The following HIPK4 variants were observed in gnomAD, a reference collection of about 807,000 sequenced individuals.
HIPK4 encodes homeodomain-interacting protein kinase 4.
A neutral mutation model predicts 44.8 loss-of-function variants in HIPK4; 26 were observed. The observed-to-expected ratio is 0.58, with a 90% CI of 0.43 to 0.80. HIPK4 has a LOEUF of 0.80. Ranked by LOEUF, HIPK4 falls within the 30% of genes least tolerant of loss-of-function variation. HIPK4 has a pLI of 0.00. For synonymous variants in HIPK4, 340 were observed against 355.5 expected, an observed-to-expected ratio of 0.96 and a Z score of 0.49; for missense variants, 729 against 862.6, an observed-to-expected ratio of 0.85 and a Z score of 1.94.
chr19:40,385,053 C>T (rs547325619), intron 1 of HIPK4, among the ~76,000 whole-genome samples: 25 of 152,318 alleles, frequency 1.6e-4, no homozygotes, highest in South Asian at 1.2e-3. Flanking sequence ...CACCCCACAC[C>T]TTGTCCATCA....
At position 40,383,902 on chromosome 19, in the gene HIPK4, T is replaced by A. The variant is rs770659093; in HGVS notation, c.703A>T (p.Lys235Ter). 1 of 1,614,134 alleles carries A rather than the reference T, an allele frequency of 6.2e-7. No homozygotes were observed. The highest frequency in any genetic ancestry group is 8.5e-7 in the Non-Finnish European group (1 of 1,180,012). ...RYICETQGLP[K>*]PHLLHAACKA... ...CAGGCGGCGTGCAACAGGTGTGGCTTGGGCAGGCCCTGGGTTTCGCAGATG... is the reference window on the plus strand; with the variant it reads ...CAGGCGGCGTGCAACAGGTGTGGCTAGGGCAGGCCCTGGGTTTCGCAGATG... Residue 235 changes from lysine to a stop codon, truncating the protein, a stop_gained, in exon 2 of 4, where the codon AAG becomes TAG. Coordinates refer to ENST00000291823, the MANE Select transcript of HIPK4 (RefSeq NM_144685.5). LOFTEE classifies it high-confidence loss of function.
At chr19:40,379,845 CCTG>C in intron 3 of HIPK4, 76 bp from the exon 4 acceptor site, 2 of 1,448,040 alleles carry the variant, frequency 1.4e-6, no homozygotes, top group Non-Finnish European at 1.9e-6. Flanking sequence ...GTCACCTCCT[CCTG>C]ATGAGGGTGA....
chr19:40,379,749 G>A lies in HIPK4; in HGVS notation c.1689C>T (p.Phe563=), dbSNP rs754054051. ...MEAERPDPEL[F]DPSSCPGEWL... Reference sequence around the variant, plus strand: ...ATTCTCCAGGACAGCTGCTGGGGTCGAAGAGCTCAGGGTCTGGCCTCTGTG... The same window carrying A: ...ATTCTCCAGGACAGCTGCTGGGGTCAAAGAGCTCAGGGTCTGGCCTCTGTG... The change falls in exon 4 of 4, where the codon TTC becomes TTT. Residue 563 remains phenylalanine (F), a synonymous_variant. Transcript: ENST00000291823. 4.3e-5 allele frequency: 69 copies of A among 1,612,120 alleles called. 1 individual carries two copies. The East Asian group carries it at 8.5e-4, about 20-fold the overall frequency.
chr19:40,388,108 C>T (rs1027697116), intron 1 of HIPK4, among the ~76,000 whole-genome samples: 20 of 151,734 alleles, frequency 1.3e-4, no homozygotes, highest in African/African-American at 4.6e-4. Flanking sequence ...CCTCTGCCTC[C>T]CGGGTTCTAA....
intron 1 of HIPK4, among the ~76,000 whole-genome samples, chr19:40,386,724 A>G (rs1266322532): frequency 2.0e-5 from 3 of 152,186 alleles, no homozygotes; most frequent in Non-Finnish European, 4.4e-5. Context: ...TTTGTTCAAT[A>G]CTGTATCCCT....
Position 40,389,693 on chromosome 19 carries a change from G to A in HIPK4, c.210C>T (p.Ala70=). 6.2e-7 allele frequency: 1 copy of A among 1,614,180 alleles called. No individual in the cohort carries two copies. Among genetic ancestry groups the A allele is most frequent in the Non-Finnish European group, 8.5e-7 (1 of 1,180,006 alleles). ...AGAACTCAAGGAAGCGGATGACGTG[G>A]GCCTCTTCAGGGTCTAGGCCTCGCA... ...HCMRGLDPEE[A]HVIRFLEFFH... is the part of the protein sequence containing the mutation. The change falls in exon 1 of 4, where the codon GCC becomes GCT. Residue 70 remains alanine, a synonymous_variant. Coordinates refer to ENST00000291823, the MANE Select transcript of HIPK4 (RefSeq NM_144685.5). The surrounding 1 kb of genome is among the most constrained non-coding windows in gnomAD (Gnocchi z 4.6).
intron 2 of HIPK4, among the ~76,000 whole-genome samples, chr19:40,381,460 G>A (rs1568694292): frequency 6.6e-6 from 1 of 152,190 alleles, no homozygotes; most frequent in Non-Finnish European, 1.5e-5. Flanking sequence ...GGAATCTCTA[G>A]TCCTCCCTGG....
chr19:40,384,612 GTTTT>G (rs71171565), intron 1 of HIPK4, among the ~76,000 whole-genome samples: 1 of 119,114 alleles, frequency 8.4e-6, no homozygotes. Context: ...GCCTTTGTTG[GTTTT>G]TTTTTTTTTT....
chr19:40,389,218 G>C lies in HIPK4; in HGVS notation c.465+220C>G, dbSNP rs1447224585. Among the ~76,000 whole-genome samples, 1 of 151,748 alleles carries C rather than the reference G, an allele frequency of 6.6e-6. No individual in the cohort carries two copies. Among genetic ancestry groups the C allele is most frequent in the Non-Finnish European group, 1.5e-5 (1 of 67,960 alleles). On this transcript the variant is annotated intron_variant, in intron 1 of 3. Coordinates refer to ENST00000291823, the MANE Select transcript of HIPK4 (RefSeq NM_144685.5). This position sits in a 1 kb window ranked among gnomAD's most constrained non-coding sequence, Gnocchi z 4.6. The stretch of plus-strand genomic sequence containing the variant: ...CGCATCCCTGTAATCCCAGCAACTC[G>C]GGAGGCTGAGGCAGGATAATCACTT...
In HIPK4 at chr19:40,380,925, G is replaced by A; in HGVS notation, c.1066C>T (p.His356Tyr). 1 of 1,605,770 alleles carries A rather than the reference G, an allele frequency of 6.2e-7. No individual in the cohort carries two copies. The highest frequency in any genetic ancestry group is 1.1e-5 in the South Asian group (1 of 90,982). ...FVSMQQLRSA[H>Y]ETTHYYQLSL... ...AGCTGGTAGTAGTGGGTGGTCTCGT[G>A]GGCACTGCGCAGCTGCTGCATGGAC... Residue 356 changes from histidine (H) to tyrosine (Y), a missense_variant, in exon 3 of 4, where the codon CAC becomes TAC. Transcript: ENST00000291823. The surrounding 1 kb of genome is among the most constrained non-coding windows in gnomAD (Gnocchi z 4.2).
In HIPK4 at chr19:40,384,612, G is replaced by GT. The variant is rs71171565; in HGVS notation, c.466-474dup. On this transcript the variant is annotated intron_variant, in intron 1 of 3. Coordinates refer to ENST00000291823, the MANE Select transcript of HIPK4 (RefSeq NM_144685.5). The stretch of plus-strand genomic sequence containing the variant: ...GAGCCACCGCACCCAGCCTTTGTTG[G>GT]TTTTTTTTTTTTTTTTTGAGACCGA... Among the ~76,000 whole-genome samples the GT allele has an allele frequency of 5.9e-3, 697 of 119,112 alleles. 12 individuals are homozygous for GT. The highest frequency in any genetic ancestry group is 0.017 in the African/African-American group (531 of 31,318). 78.1% of individuals were successfully genotyped at this position (119,112 alleles called of 152,430 possible). A position where few individuals can be genotyped will look rare whatever the true frequency, so the allele number is the denominator to read the frequency against.
In HIPK4 at chr19:40,380,309, C is replaced by T. The variant is rs373003304; in HGVS notation, c.1668+14G>A. 30 of 1,609,830 alleles carry T rather than the reference C, an allele frequency of 1.9e-5. No individual in the cohort carries two copies. Among genetic ancestry groups the T allele is most frequent in the East Asian group, 1.1e-4 (5 of 44,760 alleles). On this transcript the variant is annotated intron_variant, in intron 3 of 3. Transcript: ENST00000291823. This position sits in a 1 kb window ranked among gnomAD's most constrained non-coding sequence, Gnocchi z 4.2. ...CCTCCCACCCTAATCGTATCCTGAA[C>T]GCACCCGGCTCACCTCAGCTTCCAT...
intron 1 of HIPK4, among the ~76,000 whole-genome samples, chr19:40,387,641 G>C (rs1040796719): frequency 1.3e-5 from 2 of 151,954 alleles, no homozygotes; most frequent in African/African-American, 4.8e-5. Context: ...ACCACATCTG[G>C]CTAAGTTTTG....
At chr19:40,385,683 C>CTTTTTTTTTTTTTTTTTTTTTTTTTT (rs142414559) in intron 1 of HIPK4, among the ~76,000 whole-genome samples, 5 of 67,036 alleles carry the variant, frequency 7.5e-5, no homozygotes, top group Non-Finnish European at 1.4e-4. Context: ...CTTTTCTTTT[C>CTTTTTTTTTTTTTTTTTTTTTTTTTT]TTTTTTTTTT....
At chr19:40,385,672 T>C (rs1397006504) in intron 1 of HIPK4, among the ~76,000 whole-genome samples, 1 of 145,866 alleles carries the variant, frequency 6.9e-6, no homozygotes, top group African/African-American at 2.5e-5. Flanking sequence ...TTTTTCTTTT[T>C]CTTTTCTTTT....
At chr19:40,381,258 G>A (rs1194710456) in intron 2 of HIPK4, 90 bp from the exon 3 acceptor site, 9 of 1,052,942 alleles carry the variant, frequency 8.5e-6, no homozygotes, top group South Asian at 3.0e-5. Flanking sequence ...ATGTAGCCCC[G>A]ACTTCCAGGT....
chr19:40,380,209 A>T lies in HIPK4; in HGVS notation c.1668+114T>A, dbSNP rs1334279916. ...CTCCTAAGTCCCTAATTGTATCCTG[A>T]ACATGGGTGAGTGTGTGTTGAGCCT... On this transcript the variant is annotated intron_variant, in intron 3 of 3. Transcript: ENST00000291823. The surrounding 1 kb of genome is among the most constrained non-coding windows in gnomAD (Gnocchi z 4.2). 7.9e-6 allele frequency: 11 copies of T among 1,390,112 alleles called. No individual in the cohort carries two copies. The Admixed American group carries it at 1.4e-4, about 18-fold the overall frequency. The allele number at this position is 1,390,112 out of a possible 1,614,324, so 86.1% of individuals were successfully genotyped here.
chr19:40,383,364 A>G (rs1193892683), intron 2 of HIPK4, among the ~76,000 whole-genome samples: 2 of 151,584 alleles, frequency 1.3e-5, no homozygotes, highest in African/African-American at 4.8e-5. Context: ...TTACAGGCGT[A>G]AGCCACCACA....
chr19:40,381,202 C>T, intron 2 of HIPK4, 34 bp from the exon 3 acceptor site: 3 of 1,554,234 alleles, frequency 1.9e-6, no homozygotes, highest in Non-Finnish European at 2.6e-6. Context: ...CAGGGTTGAC[C>T]ATTGTGCAGG....
Sources: allele counts gnomAD v4.1 joint callset (sites outside exome capture counted in the v4.1 genomes callset), GRCh38; gene constraint gnomAD v4.1.1; non-coding constraint Gnocchi (gnomAD v3.1); transcripts MANE v1.5; gene names NCBI Gene and HGNC (gene_info 2026-07-23, HGNC 2026-07-21).